Variants in SLC44A1 observed in about 807,000 individuals in gnomAD.
SLC44A1 encodes choline transporter-like protein 1.
Under a neutral mutation model 79.3 loss-of-function variants are expected in SLC44A1, and 26 were observed. The observed-to-expected ratio is 0.33, with a 90% CI of 0.24 to 0.46. The LOEUF (loss-of-function observed/expected upper bound fraction) is 0.46. Ranked by LOEUF, SLC44A1 falls within the 20% of genes least tolerant of loss-of-function variation. The probability of loss-of-function intolerance (pLI) is 1.00; values close to 1 mark genes in which losing one functional copy is unlikely to be tolerated. For synonymous variants in SLC44A1, 263 were observed against 286.2 expected, an observed-to-expected ratio of 0.92 and a Z score of 0.82; for missense variants, 688 against 798.1, an observed-to-expected ratio of 0.86 and a Z score of 1.66.
intron 1 of SLC44A1, among the ~76,000 whole-genome samples, chr9:105,263,280 G>A (rs1406106477): frequency 6.6e-6 from 1 of 152,074 alleles, no homozygotes; most frequent in African/African-American, 2.4e-5. Flanking sequence ...TTGCACTACC[G>A]AGCTCTGTGT....
chr9:105,422,841 C>T (rs761722588), intron 15 of SLC44A1, among the ~76,000 whole-genome samples: 9 of 152,168 alleles, frequency 5.9e-5, no homozygotes, highest in Non-Finnish European at 1.3e-4. Flanking sequence ...TTTAGCTTAT[C>T]TTGTCTGGTG....
intron 7 of SLC44A1, among the ~76,000 whole-genome samples, chr9:105,360,833 C>T (rs995595908): frequency 1.3e-5 from 2 of 152,182 alleles, no homozygotes; most frequent in Non-Finnish European, 2.9e-5. Context: ...TGCTTATTTC[C>T]TTCCTCCAGC....
At chr9:105,289,353 A>G (rs1042507874) in intron 1 of SLC44A1, among the ~76,000 whole-genome samples, 5 of 152,258 alleles carry the variant, frequency 3.3e-5, no homozygotes, top group African/African-American at 9.6e-5. Context: ...TTTTGCATGG[A>G]ATAGGTTTTC....
At chr9:105,314,250 T>C (rs560909078) in intron 3 of SLC44A1, among the ~76,000 whole-genome samples, 1 of 152,230 alleles carries the variant, frequency 6.6e-6, no homozygotes, top group Admixed American at 6.5e-5. Flanking sequence ...GCAGGGATGT[T>C]GTGCTTCTAT....
chr9:105,309,726 A>C lies in SLC44A1; in HGVS notation c.129A>C (p.Gly43=). 1 of 1,613,254 alleles carries C rather than the reference A, an allele frequency of 6.2e-7. No individual in the cohort carries two copies. Among genetic ancestry groups the C allele is most frequent in the Non-Finnish European group, 8.5e-7 (1 of 1,179,538 alleles). ...GTTTTTTTCTGTTTCTTTCCTAGGG[A>C]TTTATTTGTGGCTTTTCAATAGCAA... is the stretch of plus-strand genomic sequence containing the variant. ...LLFILFCIGM[G]FICGFSIATG... The change falls in exon 3 of 16, where the codon GGA becomes GGC. Residue 43 remains glycine, a splice_region_variant and synonymous_variant. Transcript: ENST00000374720.
intron 2 of SLC44A1, among the ~76,000 whole-genome samples, chr9:105,306,642 T>C (rs749803414): frequency 6.1e-5 from 9 of 147,242 alleles, no homozygotes; most frequent in African/African-American, 2.0e-4. Flanking sequence ...AATATGTCAG[T>C]GTCCCATTTT....
chr9:105,338,878 A>G (rs749830267), intron 4 of SLC44A1, among the ~76,000 whole-genome samples: 3 of 152,236 alleles, frequency 2.0e-5, no homozygotes, highest in Non-Finnish European at 4.4e-5. Context: ...TCAGAGAGGA[A>G]TATCTTTAAT....
chr9:105,363,450 G>A (rs1026666472), intron 9 of SLC44A1, among the ~76,000 whole-genome samples: 3 of 151,868 alleles, frequency 2.0e-5, no homozygotes, highest in Non-Finnish European at 2.9e-5. Context: ...GATTATAGGC[G>A]TGAGCCACCG....
At chr9:105,316,832 A>G (rs1036765429) in intron 3 of SLC44A1, among the ~76,000 whole-genome samples, 1 of 152,346 alleles carries the variant, frequency 6.6e-6, no homozygotes, top group Admixed American at 6.5e-5. Flanking sequence ...ATGTTGCTGT[A>G]ACAAATTACC....
At chr9:105,438,130 C>CTGTGTGTGTG (rs147203232) in intron 15 of SLC44A1, 196 of 496,190 alleles carry the variant, frequency 4.0e-4, no homozygotes, top group African/African-American at 3.6e-3. Flanking sequence ...ATTTGTTAAT[C>CTGTGTGTGTG]TGTGTGTGTG....
intron 15 of SLC44A1, among the ~76,000 whole-genome samples, chr9:105,405,339 A>T (rs1341425314): frequency 6.6e-6 from 1 of 152,042 alleles, no homozygotes; most frequent in Admixed American, 6.6e-5. Context: ...AAAAAAGCTA[A>T]TGGTGGGATG....
At chr9:105,331,008 G>T (rs1467031997) in intron 3 of SLC44A1, among the ~76,000 whole-genome samples, 1 of 152,154 alleles carries the variant, frequency 6.6e-6, no homozygotes, top group Non-Finnish European at 1.5e-5. Context: ...ATGCCTGCAG[G>T]TGTCTAGGCT....
intron 15 of SLC44A1, among the ~76,000 whole-genome samples, chr9:105,428,429 A>G (rs1829349776): frequency 6.6e-6 from 1 of 152,136 alleles, no homozygotes; most frequent in African/African-American, 2.4e-5. Context: ...GAGTAGATCT[A>G]TGATATTCTA....
chr9:105,264,433 C>T (rs145511885), intron 1 of SLC44A1, among the ~76,000 whole-genome samples: 318 of 152,324 alleles, frequency 2.1e-3, no homozygotes, highest in African/African-American at 7.1e-3. Context: ...TCCTGAAGTG[C>T]AGGGATTACA....
intron 1 of SLC44A1, among the ~76,000 whole-genome samples, chr9:105,283,969 G>C (rs1407450716): frequency 6.6e-6 from 1 of 152,162 alleles, no homozygotes; most frequent in Admixed American, 6.5e-5. Flanking sequence ...ATGACCCATG[G>C]TGCAGCCTCA....
intron 8 of SLC44A1, among the ~76,000 whole-genome samples, chr9:105,362,593 A>G (rs1175870742): frequency 6.6e-6 from 1 of 152,246 alleles, no homozygotes; most frequent in East Asian, 1.9e-4. Flanking sequence ...GAATGTATTA[A>G]TAAGTTGAGA....
intron 5 of SLC44A1, chr9:105,355,975 A>G (rs1827610078): frequency 1.2e-5 from 6 of 503,546 alleles, no homozygotes; most frequent in South Asian, 2.6e-5. Context: ...GGGGCGGGTA[A>G]TGTCTTCTGT....
At chr9:105,308,921 T>A (rs549986912) in intron 2 of SLC44A1, among the ~76,000 whole-genome samples, 2 of 152,336 alleles carry the variant, frequency 1.3e-5, no homozygotes, top group Non-Finnish European at 2.9e-5. Context: ...TTTGTTTTGG[T>A]CAGTGCATGC....
At chr9:105,247,314 G>A (rs946601502) in intron 1 of SLC44A1, among the ~76,000 whole-genome samples, 2 of 152,108 alleles carry the variant, frequency 1.3e-5, no homozygotes, top group Admixed American at 1.3e-4. Flanking sequence ...TTTTTCTTCA[G>A]ACGGGGTTTC....
Sources: allele counts gnomAD v4.1 joint callset (sites outside exome capture counted in the v4.1 genomes callset), GRCh38; gene constraint gnomAD v4.1.1; transcripts MANE v1.5; gene names NCBI Gene and HGNC (gene_info 2026-07-23, HGNC 2026-07-21).